Variants in PLXDC1 observed in about 807,000 individuals in gnomAD.
The protein encoded by PLXDC1 is plexin domain containing 1.
In PLXDC1, 39 loss-of-function variants were observed where a neutral mutation model predicts 61.3. That is an observed-to-expected ratio of 0.64 (90% confidence interval 0.49 to 0.83). The LOEUF is 0.83. PLXDC1 is among the 40% of genes least tolerant of loss of function. The probability of loss-of-function intolerance (pLI) is 0.00; values close to 1 mark genes in which losing one functional copy is unlikely to be tolerated. For missense variants in PLXDC1, 596 were observed against 666.5 expected, an observed-to-expected ratio of 0.89 and a Z score of 1.17; for synonymous variants, 212 against 254.5, an observed-to-expected ratio of 0.83 and a Z score of 1.59.
chr17:39,078,068 CTG>C lies in PLXDC1; in HGVS notation c.1051-22_1051-21del, dbSNP rs761162444. 7 of 1,581,080 alleles carry C rather than the reference CTG, an allele frequency of 4.4e-6. No individual in the cohort carries two copies. In the South Asian group the frequency reaches 7.0e-5, roughly 16 times the overall value. On this transcript the variant is annotated intron_variant, in intron 10 of 13. Coordinates refer to ENST00000315392, the MANE Select transcript of PLXDC1 (RefSeq NM_020405.5). The stretch of plus-strand genomic sequence containing the variant: ...CTCTGCCTGCAGGAGAGAGCCAGTG[CTG>C]TGTCTTGAATGCATTTACACCTTTC...
intron 7 of PLXDC1, among the ~76,000 whole-genome samples, chr17:39,088,299 T>A (rs560530326): frequency 1.4e-4 from 21 of 152,332 alleles, no homozygotes; most frequent in Non-Finnish European, 2.1e-4. Flanking sequence ...TCACCCCTCC[T>A]GGACAAATCC....
chr17:39,135,679 A>C (rs1019070320), intron 2 of PLXDC1, among the ~76,000 whole-genome samples: 11 of 150,632 alleles, frequency 7.3e-5, no homozygotes, highest in African/African-American at 2.7e-4. Context: ...CTCCGTCTAA[A>C]AAAAAAAAAA....
At chr17:39,098,961 T>C (rs1841030789) in intron 7 of PLXDC1, among the ~76,000 whole-genome samples, 1 of 152,148 alleles carries the variant, frequency 6.6e-6, no homozygotes. Context: ...GATTTTGACC[T>C]GACCTGTGGG....
intron 2 of PLXDC1, among the ~76,000 whole-genome samples, chr17:39,113,551 T>G (rs1329636596): frequency 6.6e-6 from 1 of 152,124 alleles, no homozygotes; most frequent in South Asian, 2.1e-4. Context: ...AATAGAAAAT[T>G]GATTTTGGAT....
At chr17:39,126,305 A>G (rs143571650) in intron 2 of PLXDC1, among the ~76,000 whole-genome samples, 1 of 152,234 alleles carries the variant, frequency 6.6e-6, no homozygotes, top group East Asian at 1.9e-4. Flanking sequence ...GTGCATGTGA[A>G]TTACAGTAAG....
Position 39,108,240 on chromosome 17 carries a change from T to G in PLXDC1, c.475A>C (p.Ile159Leu), listed in dbSNP as rs565004136. The change falls in exon 5 of 14, where the codon ATC becomes CTC. Residue 159 changes from isoleucine (I) to leucine (L), a missense_variant. Coordinates refer to ENST00000315392, the MANE Select transcript of PLXDC1 (RefSeq NM_020405.5). ...CGATGGATCACGTCCCCCATGAAGA[T>G]GAAGCCTAGGGTGGGAGAGGTGCAG... is the stretch of plus-strand genomic sequence containing the variant. The part of the protein sequence containing the change: ...RQITIATGGF[I>L]FMGDVIHRML... 2 of 1,613,926 alleles carry G rather than the reference T, an allele frequency of 1.2e-6. No individual in the cohort carries two copies. Among genetic ancestry groups the G allele is most frequent in the African/African-American group, 2.7e-5 (2 of 75,028 alleles).
rs1908784870 is a variant in PLXDC1, at chr17:39,063,510, G to A, written c.*4330C>T. The A allele has an allele frequency of 1.4e-6, 1 of 702,998 alleles. No individual in the cohort carries two copies. Among genetic ancestry groups the A allele is most frequent in the Non-Finnish European group, 2.6e-6 (1 of 385,012 alleles). 43.5% of individuals were successfully genotyped at this position (702,998 alleles called of 1,614,324 possible). ...AGGCTGTTCCCACAGTCATGTCTCA[G>A]CGAAGAAGTCGGAGTTCAGCAGCCA... On this transcript the variant is annotated 3_prime_UTR_variant, in exon 14 of 14. Coordinates refer to ENST00000315392, the MANE Select transcript of PLXDC1 (RefSeq NM_020405.5).
rs2045372523 is a variant in PLXDC1 at position 39,151,508 on chromosome 17, G to C, written c.-71C>G. ...TGACGAGGGAGGGGGCCCTGGCTCA[G>C]GCTGCGGCCGCGCGGTCCCCGGGGC... On this transcript the variant is annotated 5_prime_UTR_variant, in exon 1 of 14. Transcript: ENST00000315392. The surrounding 1 kb of genome is among the most constrained non-coding windows in gnomAD (Gnocchi z 5.2). The C allele has an allele frequency of 8.1e-7, 1 of 1,227,198 alleles. No individual in the cohort carries two copies. Among genetic ancestry groups the C allele is most frequent in the East Asian group, 3.2e-5 (1 of 31,296 alleles). 76.0% of individuals were successfully genotyped at this position (1,227,198 alleles called of 1,614,324 possible). A position where few individuals can be genotyped will look rare whatever the true frequency, so the allele number is the denominator to read the frequency against.
chr17:39,140,123 G>C (rs1032641697), intron 1 of PLXDC1, among the ~76,000 whole-genome samples: 1 of 152,156 alleles, frequency 6.6e-6, no homozygotes, highest in Admixed American at 6.5e-5. Flanking sequence ...TAAAAGTCAC[G>C]CAGTGGGTTA....
intron 2 of PLXDC1, among the ~76,000 whole-genome samples, chr17:39,120,527 C>G (rs1911128000): frequency 6.6e-6 from 1 of 152,006 alleles, no homozygotes; most frequent in African/African-American, 2.4e-5. Flanking sequence ...ATTGGCAGAT[C>G]ACATGATGAT....
intron 7 of PLXDC1, among the ~76,000 whole-genome samples, chr17:39,089,389 C>G (rs1201658935): frequency 6.6e-6 from 1 of 152,132 alleles, no homozygotes; most frequent in Admixed American, 6.5e-5. Flanking sequence ...AGGCTCAGAA[C>G]CTGTGAATGG....
upstream of PLXDC1, chr17:39,152,348 A>G (rs1597665107): frequency 4.5e-6 from 2 of 448,714 alleles, no homozygotes; most frequent in African/African-American, 2.0e-5. Context: ...GGCCAGACCC[A>G]ATCAATCTTC....
chr17:39,108,229 C>T lies in PLXDC1; in HGVS notation c.486G>A (p.Gly162=), dbSNP rs776686004. 2 of 1,614,038 alleles carry T rather than the reference C, an allele frequency of 1.2e-6. No individual in the cohort carries two copies. The highest frequency in any genetic ancestry group is 2.2e-5 in the East Asian group (1 of 44,880). Reference sequence around the variant, plus strand: ...CTGTGAGCATCCGATGGATCACGTCCCCCATGAAGATGAAGCCTAGGGTGG... The same window carrying T: ...CTGTGAGCATCCGATGGATCACGTCTCCCATGAAGATGAAGCCTAGGGTGG... The part of the protein sequence containing the change: ...TIATGGFIFM[G]DVIHRMLTAT... Residue 162 remains glycine, a synonymous_variant, in exon 5 of 14, where the codon GGG becomes GGA. Coordinates refer to ENST00000315392, the MANE Select transcript of PLXDC1 (RefSeq NM_020405.5).
At chr17:39,124,909 G>A (rs369754133) in intron 2 of PLXDC1, among the ~76,000 whole-genome samples, 1 of 152,122 alleles carries the variant, frequency 6.6e-6, no homozygotes, top group African/African-American at 2.4e-5. Flanking sequence ...CACCTCCCGG[G>A]CTCAAGTGAT....
intron 9 of PLXDC1, among the ~76,000 whole-genome samples, chr17:39,082,039 C>T (rs1442010615): frequency 6.6e-6 from 1 of 152,198 alleles, no homozygotes; most frequent in Non-Finnish European, 1.5e-5. Flanking sequence ...ACAGGGTAAA[C>T]AATCTGAGGC....
At position 39,087,661 on chromosome 17, in the gene PLXDC1, G is replaced by A. The variant is rs1901358620; in HGVS notation, c.853C>T (p.Leu285=). 6.2e-7 allele frequency: 1 copy of A among 1,613,986 alleles called. No individual in the cohort carries two copies. The highest frequency in any genetic ancestry group is 8.5e-7 in the Non-Finnish European group (1 of 1,180,006). Residue 285 remains leucine (L), a synonymous_variant, in exon 8 of 14, where the codon CTG becomes TTG. Coordinates refer to ENST00000315392, the MANE Select transcript of PLXDC1 (RefSeq NM_020405.5). ...ATGCTGGTGACCTTGCTGGGGTCCA[G>A]CTCTATGCGGTGATATTCAAAGATG... The part of the protein sequence containing the change: ...RSIFEYHRIE[L]DPSKVTSMSA...
intron 7 of PLXDC1, among the ~76,000 whole-genome samples, chr17:39,089,813 A>G (rs923684777): frequency 2.0e-5 from 3 of 151,916 alleles, no homozygotes; most frequent in African/African-American, 7.3e-5. Flanking sequence ...TTATTTACTT[A>G]TTGAGACTGA....
chr17:39,092,609 G>A (rs34653941), intron 7 of PLXDC1, among the ~76,000 whole-genome samples: 25,336 of 152,192 alleles, frequency 0.17, 2,336 homozygotes, highest in East Asian at 0.23. Context: ...AACTTCCTGA[G>A]GTGCACAGAC....
intron 1 of PLXDC1, among the ~76,000 whole-genome samples, chr17:39,146,237 ATT>A (rs1597663191): frequency 6.6e-6 from 1 of 151,962 alleles, no homozygotes; most frequent in Admixed American, 6.6e-5. Flanking sequence ...CACCCAGCTA[ATT>A]TTTATATTTT....
Sources: gnomAD v4.1 joint callset for allele counts (sites outside exome capture counted in the v4.1 genomes callset) on GRCh38, gnomAD v4.1.1 for gene constraint, Gnocchi (gnomAD v3.1) non-coding constraint, MANE v1.5 for transcripts, NCBI Gene and HGNC (gene_info 2026-07-23, HGNC 2026-07-21) for gene names.